The following MGAT4D variants were observed in gnomAD, a reference collection of about 807,000 sequenced individuals.
MGAT4D encodes alpha-1,3-mannosyl-glycoprotein 4-beta-N-acetylglucosaminyltransferase-like protein MGAT4D.
A neutral mutation model predicts 15.9 loss-of-function variants in MGAT4D; 34 were observed. The ratio of observed to expected loss-of-function variants is 2.14; its 90% CI spans 1.62 to 2.84. The LOEUF (loss-of-function observed/expected upper bound fraction) is 2.84. MGAT4D is among the 30% of genes most tolerant of loss of function. The probability of loss-of-function intolerance (pLI) is 0.00; values close to 1 mark genes in which losing one functional copy is unlikely to be tolerated. For synonymous variants in MGAT4D, 112 were observed against 48.2 expected, an observed-to-expected ratio of 2.33 and a Z score of -5.49; for missense variants, 327 against 140.2, an observed-to-expected ratio of 2.33 and a Z score of -6.73.
chr4:140,453,565 C>A (rs927712106), intron 9 of MGAT4D, among the ~76,000 whole-genome samples: 5 of 151,960 alleles, frequency 3.3e-5, no homozygotes, highest in Non-Finnish European at 7.4e-5. Flanking sequence ...TGTGTCCCCA[C>A]CCAAATTTCA....
At chr4:140,467,462 T>G (rs546181682) in intron 5 of MGAT4D, among the ~76,000 whole-genome samples, 5 of 152,226 alleles carry the variant, frequency 3.3e-5, no homozygotes, top group African/African-American at 1.2e-4. Context: ...CTCTAGAAAA[T>G]TCCATCCAAA....
At chr4:140,483,027 A>G (rs1732849686) in intron 1 of MGAT4D, among the ~76,000 whole-genome samples, 1 of 152,210 alleles carries the variant, frequency 6.6e-6, no homozygotes, top group South Asian at 2.1e-4. Flanking sequence ...AAGAGTTCTG[A>G]TGGCTCTGAT....
intron 1 of MGAT4D, among the ~76,000 whole-genome samples, chr4:140,487,356 A>C (rs1253073302): frequency 6.6e-6 from 1 of 152,190 alleles, no homozygotes; most frequent in Admixed American, 6.5e-5. Flanking sequence ...CTGCACATTA[A>C]AAATAGGTTC....
At chr4:140,446,392 C>T (rs180777404) in intron 10 of MGAT4D, among the ~76,000 whole-genome samples, 381 of 152,184 alleles carry the variant, frequency 2.5e-3, no homozygotes, top group African/African-American at 8.9e-3. Context: ...CTGGTTAAGT[C>T]TTCAGAGAGT....
chr4:140,480,801 T>A (rs1560792532), intron 2 of MGAT4D, among the ~76,000 whole-genome samples: 1 of 148,274 alleles, frequency 6.7e-6, no homozygotes, highest in Non-Finnish European at 1.5e-5. Flanking sequence ...TGGGGCATAG[T>A]GGCATGCGCC....
chr4:140,475,969 G>T (rs555039872), intron 3 of MGAT4D, among the ~76,000 whole-genome samples: 3 of 151,952 alleles, frequency 2.0e-5, no homozygotes, highest in Admixed American at 1.3e-4. Flanking sequence ...GCACCACCAT[G>T]CCCGGCTAAC....
intron 3 of MGAT4D, among the ~76,000 whole-genome samples, chr4:140,475,441 G>A (rs1387691774): frequency 6.6e-6 from 1 of 152,008 alleles, no homozygotes; most frequent in Non-Finnish European, 1.5e-5. Flanking sequence ...AATAGCTGGA[G>A]CACTAGGGCT....
At chr4:140,483,780 A>C (rs925504255) in intron 1 of MGAT4D, among the ~76,000 whole-genome samples, 2 of 152,176 alleles carry the variant, frequency 1.3e-5, no homozygotes, top group Non-Finnish European at 2.9e-5. Context: ...GTCTTCAATA[A>C]AAACGTGTTT....
At chr4:140,484,403 T>A (rs893299592) in intron 1 of MGAT4D, among the ~76,000 whole-genome samples, 3 of 152,042 alleles carry the variant, frequency 2.0e-5, no homozygotes, top group Admixed American at 2.0e-4. Context: ...AGAAAGAAAC[T>A]CTTGCACACT....
At chr4:140,494,288 T>G in intron 1 of MGAT4D, among the ~76,000 whole-genome samples, 1 of 152,250 alleles carries the variant, frequency 6.6e-6, no homozygotes, top group East Asian at 1.9e-4. Flanking sequence ...AATGTGGGAA[T>G]GATAACTTCA....
intron 1 of MGAT4D, among the ~76,000 whole-genome samples, chr4:140,485,094 A>T (rs1314479346): frequency 1.3e-5 from 2 of 152,242 alleles, no homozygotes; most frequent in Non-Finnish European, 2.9e-5. Context: ...ATAAAGACAC[A>T]TGCACACGTA....
chr4:140,456,639 G>A lies in MGAT4D; in HGVS notation c.958C>T (p.Leu320Phe). 1.4e-6 allele frequency: 1 copy of A among 696,778 alleles called. No homozygotes were observed. Among genetic ancestry groups the A allele is most frequent in the Non-Finnish European group, 2.6e-6 (1 of 381,822 alleles). 43.2% of individuals were successfully genotyped at this position (696,778 alleles called of 1,614,324 possible). The change falls in exon 9 of 11, where the codon CTC becomes TTC. Residue 320 changes from leucine (L) to phenylalanine (F), a missense_variant. By Grantham distance (22) the Leu-to-Phe change is conservative (BLOSUM62 0). Transcript: ENST00000511113. ...TTTACCTGAAAAATGTCATTCAAGA[G>A]CCAGTCTATGGGTTTCTCTTTGTAG... is the stretch of plus-strand genomic sequence containing the variant. Reference protein sequence around the residue: ...MFYKEKPIDWLLNDIFQVKVC... With the variant: ...MFYKEKPIDWFLNDIFQVKVC...
intron 9 of MGAT4D, among the ~76,000 whole-genome samples, chr4:140,454,311 T>C (rs1472799806): frequency 6.6e-6 from 1 of 152,158 alleles, no homozygotes; most frequent in East Asian, 1.9e-4. Context: ...GAGGTTTTAT[T>C]ACGTATGAAT....
chr4:140,497,664 CAGGGAGGAGGG>C (rs1733925098), intron 1 of MGAT4D, among the ~76,000 whole-genome samples: 1 of 152,178 alleles, frequency 6.6e-6, no homozygotes, highest in Non-Finnish European at 1.5e-5. Flanking sequence ...AAAAACACTC[CAGGGAGGAGGG>C]AGGCATGAAG....
chr4:140,458,971 A>G (rs1730987966), intron 8 of MGAT4D: 1 of 152,272 alleles, frequency 6.6e-6, no homozygotes, highest in South Asian at 2.1e-4. Flanking sequence ...TGAAGAAAGA[A>G]AAATTGAAGG....
At chr4:140,455,106 T>A (rs1322279835) in intron 9 of MGAT4D, among the ~76,000 whole-genome samples, 1 of 152,126 alleles carries the variant, frequency 6.6e-6, no homozygotes, top group Non-Finnish European at 1.5e-5. Context: ...TTTTCTTCCC[T>A]CTCTTCCTTT....
At chr4:140,497,001 A>T (rs1285792464) in intron 1 of MGAT4D, among the ~76,000 whole-genome samples, 1 of 152,210 alleles carries the variant, frequency 6.6e-6, no homozygotes, top group Non-Finnish European at 1.5e-5. Flanking sequence ...ATGACTATAA[A>T]GATTAGTAGA....
At chr4:140,477,585 A>G (rs1732421669) in intron 3 of MGAT4D, among the ~76,000 whole-genome samples, 1 of 152,236 alleles carries the variant, frequency 6.6e-6, no homozygotes, top group African/African-American at 2.4e-5. Context: ...AGCTTGTCCT[A>G]TCTGTTCTCA....
At chr4:140,488,700 G>C (rs577105845) in intron 1 of MGAT4D, among the ~76,000 whole-genome samples, 48 of 152,322 alleles carry the variant, frequency 3.2e-4, no homozygotes, top group African/African-American at 1.1e-3. Flanking sequence ...ATGTGATATA[G>C]TTTGAATATC....
Sources: gnomAD v4.1 joint callset for allele counts (sites outside exome capture counted in the v4.1 genomes callset) on GRCh38, gnomAD v4.1.1 for gene constraint, MANE v1.5 for transcripts, NCBI Gene and HGNC (gene_info 2026-07-23, HGNC 2026-07-21) for gene names.